Variants in SHANK1 observed in about 807,000 individuals in gnomAD.
The protein encoded by SHANK1 is SH3 and multiple ankyrin repeat domains 1, also known as SH3 and multiple ankyrin repeat domains protein 1.
Under a neutral mutation model 165.6 loss-of-function variants are expected in SHANK1, and 35 were observed. The observed-to-expected ratio is 0.21, with a 90% confidence interval of 0.16 to 0.28. SHANK1 has a LOEUF of 0.28. Among genes scored for constraint, SHANK1 ranks in the 10% least tolerant of loss-of-function variants. SHANK1 has a pLI of 1.00. For synonymous variants in SHANK1, 1,428 were observed against 1,384.8 expected (o/e 1.03, Z -0.69); for missense variants, 2,681 against 3,036.4 (o/e 0.88, Z 2.75).
rs755633060 is a variant in SHANK1 at position 50,667,123 on chromosome 19, C to A, written c.4837G>T (p.Ala1613Ser). 2 of 1,554,420 alleles carry A rather than the reference C, an allele frequency of 1.3e-6. No homozygotes were observed. The highest frequency in any genetic ancestry group is 8.6e-7 in the Non-Finnish European group (1 of 1,156,620). Residue 1613 changes from alanine to serine, a missense_variant, in exon 23 of 24, where the codon GCC becomes TCC. By Grantham distance (99) the Ala-to-Ser change is moderately conservative (BLOSUM62 1). Coordinates refer to ENST00000293441, the MANE Select transcript of SHANK1 (RefSeq NM_016148.5). The surrounding 1 kb of genome is among the most constrained non-coding windows in gnomAD (Gnocchi z 5.7). Reference sequence around the variant, plus strand: ...GCGGTGGAGTCCAGGGTGGGAGGGGCTGCGGCCACAGCCGGGGGTGGCACA... The same window carrying A: ...GCGGTGGAGTCCAGGGTGGGAGGGGATGCGGCCACAGCCGGGGGTGGCACA... Reference protein sequence around the residue: ...PPVPPPAVAAAPPTLDSTASS... With the variant: ...PPVPPPAVAASPPTLDSTASS...
Position 50,662,669 on chromosome 19 carries a change from A to AGTC in SHANK1, c.5779_5781dup (p.Asp1927dup), listed in dbSNP as rs749792699. 8.0e-6 allele frequency: 12 copies of AGTC among 1,494,894 alleles called. No individual in the cohort carries two copies. The highest frequency in any genetic ancestry group is 1.1e-5 in the Non-Finnish European group (12 of 1,113,034). The allele number at this position is 1,494,894 out of a possible 1,614,324, so 92.6% of individuals were successfully genotyped here. On this transcript the variant is annotated inframe_insertion, in exon 24 of 24. Coordinates refer to ENST00000293441, the MANE Select transcript of SHANK1 (RefSeq NM_016148.5). This position sits in a 1 kb window ranked among gnomAD's most constrained non-coding sequence, Gnocchi z 7.7. Reference sequence around the variant, plus strand: ...GGCTTGGAGAGGAGTGAGGACTGGGAGTCGTCGGAGAGTCTGGAATGTGAC... The same window carrying AGTC: ...GGCTTGGAGAGGAGTGAGGACTGGGAGTCGTCGTCGGAGAGTCTGGAATGTGAC...
In SHANK1 at chr19:50,687,497, A is replaced by G. The variant is rs954526920; in HGVS notation, c.2389+85T>C. 4.6e-6 allele frequency: 5 copies of G among 1,079,952 alleles called. No individual in the cohort carries two copies. The African/African-American group carries it at 8.0e-5, about 17-fold the overall frequency. The allele number at this position is 1,079,952 out of a possible 1,614,324, so 66.9% of individuals were successfully genotyped here. On this transcript the variant is annotated intron_variant, in intron 19 of 23. Transcript: ENST00000293441. ...TGAGGACAAGGACCCCTGGTCACTAACAACACTAACGAACTCAAGGGATGG... is the reference window on the plus strand; with the variant it reads ...TGAGGACAAGGACCCCTGGTCACTAGCAACACTAACGAACTCAAGGGATGG...
Position 50,704,148 on chromosome 19 carries a change from C to T in SHANK1, c.1194G>A (p.Leu398=), listed in dbSNP as rs763364429. 1.9e-6 allele frequency: 3 copies of T among 1,600,764 alleles called. No homozygotes were observed. The highest frequency in any genetic ancestry group is 1.7e-4 in the Middle Eastern group (1 of 6,044). ...VIAGNFELGE[L]IRNHREQDVV... ...CATCCTGTTCTCGGTGGTTTCGGAT[C>T]AGCTCCCCCAGCTCAAAATTCCCAG... is the stretch of plus-strand genomic sequence containing the variant. Residue 398 remains leucine, a synonymous_variant, in exon 10 of 24, where the codon CTG becomes CTA. Coordinates refer to ENST00000293441, the MANE Select transcript of SHANK1 (RefSeq NM_016148.5).
intron 15 of SHANK1, among the ~76,000 whole-genome samples, chr19:50,695,001 G>A (rs1172981101): frequency 1.4e-5 from 2 of 146,276 alleles, no homozygotes; most frequent in African/African-American, 2.5e-5. Context: ...CACCGGGGCC[G>A]CCCCCGAGAC....
intron 3 of SHANK1, among the ~76,000 whole-genome samples, 178 bp from the exon 4 acceptor site, chr19:50,715,908 T>C (rs1568446742): frequency 6.6e-6 from 1 of 152,066 alleles, no homozygotes; most frequent in Non-Finnish European, 1.5e-5. Flanking sequence ...CAGTGGCTTT[T>C]CCGACAGTGC....
chr19:50,711,632 C>G lies in SHANK1; in HGVS notation c.961-145G>C, dbSNP rs1599872683. 7.2e-6 allele frequency: 5 copies of G among 696,672 alleles called. No individual in the cohort carries two copies. The East Asian group carries it at 1.4e-4, about 19-fold the overall frequency. 43.2% of individuals were successfully genotyped at this position (696,672 alleles called of 1,614,324 possible). A position where few individuals can be genotyped will look rare whatever the true frequency, so the allele number is the denominator to read the frequency against. On this transcript the variant is annotated intron_variant, in intron 7 of 23. Transcript: ENST00000293441. ...CCCCATCACCTTTTAGCCCCGCTTC[C>G]TGCTCTGGGACCCAGGCTGTCAGCC...
At chr19:50,676,732 C>T (rs544802913) in intron 21 of SHANK1, among the ~76,000 whole-genome samples, 2 of 152,312 alleles carry the variant, frequency 1.3e-5, no homozygotes, top group South Asian at 4.1e-4. Context: ...AATACTCTTT[C>T]TACTCTATTT....
Position 50,719,680 on chromosome 19 carries a change from G to T in SHANK1, c.-318C>A, listed in dbSNP as rs1201592279. Among the ~76,000 whole-genome samples, 1 of 147,502 alleles carries T rather than the reference G, an allele frequency of 6.8e-6. No homozygotes were observed. Among genetic ancestry groups the T allele is most frequent in the East Asian group, 2.1e-4 (1 of 4,854 alleles). On this transcript the variant is annotated 5_prime_UTR_variant, in exon 1 of 24. Transcript: ENST00000293441. ...TCCTCGCCCGCCCCCGGCTCGGTCC[G>T]GCCGGCTCCGGGCGCCGCGTCTCCG...
rs150390491 is a variant in SHANK1 at position 50,716,718 on chromosome 19, C to T, written c.202G>A (p.Ala68Thr). ...QGRSMSVPDD[A>T]HFSMMVFRIG... ...CTGAAGACCATCATGCTGAAGTGGG[C>T]GTCGTCTGGGACGGACATTGAGCGG... is the stretch of plus-strand genomic sequence containing the variant. Residue 68 changes from alanine (A) to threonine (T), a missense_variant, in exon 2 of 24, where the codon GCC (alanine) becomes ACC (threonine). Physicochemically the swap from Ala to Thr is moderately conservative, Grantham distance 58. Around this residue, in one of 10 missense-constraint regions of SHANK1, gnomAD observed 118 missense variants for 106.9 expected, o/e 1.10. Transcript: ENST00000293441. The surrounding 1 kb of genome is among the most constrained non-coding windows in gnomAD (Gnocchi z 8.4). 2.2e-5 allele frequency: 36 copies of T among 1,602,126 alleles called. No homozygotes were observed. The African/African-American group carries it at 2.3e-4, about 10-fold the overall frequency.
chr19:50,689,562 A>G (rs1366193126), intron 15 of SHANK1, among the ~76,000 whole-genome samples: 1 of 151,884 alleles, frequency 6.6e-6, no homozygotes, highest in Admixed American at 6.6e-5. Flanking sequence ...GGTGGGGAGG[A>G]TGGGGAGAAG....
rs552485625 is a variant in SHANK1, at chr19:50,660,237, G to A, written c.*1728C>T. On this transcript the variant is annotated 3_prime_UTR_variant, in exon 24 of 24. Transcript: ENST00000293441. ...CCGGGAATAAGCGGAGAGAGGAAGCGTGCGGGAAGGAACAGCCATGCTGGA... is the reference window on the plus strand; with the variant it reads ...CCGGGAATAAGCGGAGAGAGGAAGCATGCGGGAAGGAACAGCCATGCTGGA... 3.4e-5 allele frequency among the ~76,000 whole-genome samples: 3 copies of A among 87,574 alleles called. No homozygotes were observed. The highest frequency in any genetic ancestry group is 9.7e-5 in the Non-Finnish European group (3 of 30,826). The allele number at this position is 87,574 out of a possible 152,430, so 57.5% of individuals were successfully genotyped here. A position where few individuals can be genotyped will look rare whatever the true frequency, so the allele number is the denominator to read the frequency against.
Position 50,688,093 on chromosome 19 carries a change from G to A in SHANK1, c.2173-35C>T. On this transcript the variant is annotated intron_variant, in intron 17 of 23. Transcript: ENST00000293441. This position sits in a 1 kb window ranked among gnomAD's most constrained non-coding sequence, Gnocchi z 6.7. Reference sequence around the variant, plus strand: ...AGACACCCCCAGATCACACAGAGTAGACGAGGGGAGGGGTGCTTGCAGCTT... The same window carrying A: ...AGACACCCCCAGATCACACAGAGTAAACGAGGGGAGGGGTGCTTGCAGCTT... 1 of 1,612,234 alleles carries A rather than the reference G, an allele frequency of 6.2e-7. No homozygotes were observed. The highest frequency in any genetic ancestry group is 2.2e-5 in the East Asian group (1 of 44,844).
At chr19:50,715,768 A>G (rs765771559) in intron 3 of SHANK1, 38 bp from the exon 4 acceptor site, 3 of 1,585,686 alleles carry the variant, frequency 1.9e-6, no homozygotes, top group Admixed American at 3.3e-5. Flanking sequence ...AGACACAGAG[A>G]CTTGGAATCA....
At chr19:50,675,789 G>A (rs1367155421) in intron 21 of SHANK1, among the ~76,000 whole-genome samples, 2 of 152,122 alleles carry the variant, frequency 1.3e-5, no homozygotes, top group South Asian at 2.1e-4. Flanking sequence ...ATCATTTGAG[G>A]TCAGGAGTTT....
At position 50,717,144 on chromosome 19, in the gene SHANK1, G is replaced by T. The variant is rs1050285041; in HGVS notation, c.-43-182C>A. Among the ~76,000 whole-genome samples the T allele has an allele frequency of 1.3e-5, 2 of 152,114 alleles. No individual in the cohort carries two copies. Among genetic ancestry groups the T allele is most frequent in the South Asian group, 4.1e-4 (2 of 4,828 alleles). On this transcript the variant is annotated intron_variant, in intron 1 of 23. Coordinates refer to ENST00000293441, the MANE Select transcript of SHANK1 (RefSeq NM_016148.5). The surrounding 1 kb of genome is among the most constrained non-coding windows in gnomAD (Gnocchi z 5.5). ...CTGCCGCCTCCTCCCACGCTGGCAC[G>T]CACACACCCCTGTCCCTGACATGCT...
chr19:50,716,493 G>A lies in SHANK1; in HGVS notation c.256-15C>T. 6.2e-7 allele frequency: 1 copy of A among 1,613,786 alleles called. No homozygotes were observed. The highest frequency in any genetic ancestry group is 8.5e-7 in the Non-Finnish European group (1 of 1,179,874). ...CGAAGGCATTTCTGGTTGGGGAAGA[G>A]ATAGGGGCTAGGGTGGGCCAGGGGC... On this transcript the variant is annotated splice_polypyrimidine_tract_variant and intron_variant, in intron 2 of 23. Coordinates refer to ENST00000293441, the MANE Select transcript of SHANK1 (RefSeq NM_016148.5). This position sits in a 1 kb window ranked among gnomAD's most constrained non-coding sequence, Gnocchi z 8.4.
At chr19:50,696,273 G>T (rs1005590628) in intron 15 of SHANK1, among the ~76,000 whole-genome samples, 1 of 152,142 alleles carries the variant, frequency 6.6e-6, no homozygotes, top group Non-Finnish European at 1.5e-5. Flanking sequence ...GGTGTGGGGG[G>T]GTGTACCCCA....
rs549588707 is a variant in SHANK1 at position 50,667,417 on chromosome 19, C to T, written c.4543G>A (p.Gly1515Arg). 193 of 1,517,930 alleles carry T rather than the reference C, an allele frequency of 1.3e-4. No homozygotes were observed. The highest frequency in any genetic ancestry group is 9.2e-5 in the Non-Finnish European group (105 of 1,139,758). The allele number at this position is 1,517,930 out of a possible 1,614,324, so 94.0% of individuals were successfully genotyped here. A position where few individuals can be genotyped will look rare whatever the true frequency, so the allele number is the denominator to read the frequency against. The change falls in exon 23 of 24, where the codon GGG becomes AGG. Residue 1515 changes from glycine to arginine, a missense_variant. By Grantham distance (125) the Gly-to-Arg change is moderately radical. Coordinates refer to ENST00000293441, the MANE Select transcript of SHANK1 (RefSeq NM_016148.5). The surrounding 1 kb of genome is among the most constrained non-coding windows in gnomAD (Gnocchi z 5.7). ...TSGRGPPSED[G>R]PGVPPPSPRR... ...GGGCTGGGCGGCGGGACCCCCGGCC[C>T]GTCCTCCGAGGGGGGACCCCTTCCG...
Position 50,667,630 on chromosome 19 carries a change from G to A in SHANK1, c.4330C>T (p.Leu1444=), listed in dbSNP as rs1015427186. The stretch of plus-strand genomic sequence containing the variant: ...GCGGTGGGCGGCAGGCGGTGTAGCA[G>A]GGAACGCCGGGCGGCGGGCGGGCTG... ...PASPPAARRS[L]LHRLPPTAPG... is the part of the protein sequence containing the mutation. The change falls in exon 23 of 24, where the codon CTG becomes TTG. Residue 1444 remains leucine (L), a synonymous_variant. Coordinates refer to ENST00000293441, the MANE Select transcript of SHANK1 (RefSeq NM_016148.5). This position sits in a 1 kb window ranked among gnomAD's most constrained non-coding sequence, Gnocchi z 5.7. The A allele has an allele frequency of 3.5e-6, 5 of 1,425,386 alleles. No individual in the cohort carries two copies. In the African/African-American group the frequency reaches 7.5e-5, roughly 21 times the overall value. The allele number at this position is 1,425,386 out of a possible 1,614,324, so 88.3% of individuals were successfully genotyped here.
Sources: gnomAD v4.1 joint callset for allele counts (sites outside exome capture counted in the v4.1 genomes callset) on GRCh38, gnomAD v4.1.1 for gene constraint, gnomAD v4.1.1 regional missense constraint, Gnocchi (gnomAD v3.1) non-coding constraint, MANE v1.5 for transcripts, NCBI Gene and HGNC (gene_info 2026-07-23, HGNC 2026-07-21) for gene names.